L3MBTL3: variants seen among roughly 807,000 people sequenced by gnomAD.
L3MBTL3 encodes L3MBTL histone methyl-lysine binding protein 3, also known as lethal(3)malignant brain tumor-like protein 3.
In L3MBTL3, 27 loss-of-function variants were observed where a neutral mutation model predicts 102.3. The ratio of observed to expected loss-of-function variants is 0.26; its 90% CI spans 0.19 to 0.36. L3MBTL3 has a LOEUF of 0.36. Among genes scored for constraint, L3MBTL3 ranks in the 10% least tolerant of loss-of-function variants. The probability of loss-of-function intolerance (pLI) is 1.00; values close to 1 mark genes in which losing one functional copy is unlikely to be tolerated. For synonymous variants in L3MBTL3, 340 were observed against 320.9 expected (o/e 1.06, Z -0.64); for missense variants, 798 against 955.3 (o/e 0.84, Z 2.17).
At chr6:130,069,208 C>T (rs556092650) in intron 12 of L3MBTL3, among the ~76,000 whole-genome samples, 1 of 152,330 alleles carries the variant, frequency 6.6e-6, no homozygotes, top group Non-Finnish European at 1.5e-5. Context: ...GCCCAGCTTT[C>T]TCTCTAGTAT....
In L3MBTL3 at chr6:130,126,840, A is replaced by C. The variant is rs575555489; in HGVS notation, c.1966+5882A>C. Among the ~76,000 whole-genome samples the C allele has an allele frequency of 8.5e-5, 13 of 152,316 alleles. No homozygotes were observed. In the East Asian group the frequency reaches 2.1e-3, roughly 25 times the overall value. Reference sequence around the variant, plus strand: ...TAGGAGAAAGAGGCATACAGAATGTATTAATGTGCATAAACGTGGGAGTCC... The same window carrying C: ...TAGGAGAAAGAGGCATACAGAATGTCTTAATGTGCATAAACGTGGGAGTCC... On this transcript the variant is annotated intron_variant, in intron 20 of 22. Coordinates refer to ENST00000361794, the MANE Select transcript of L3MBTL3 (RefSeq NM_032438.4).
chr6:130,037,821 A>G (rs1424198715), intron 2 of L3MBTL3, among the ~76,000 whole-genome samples: 1 of 152,130 alleles, frequency 6.6e-6, no homozygotes, highest in Non-Finnish European at 1.5e-5. Flanking sequence ...TGAAATATAC[A>G]GTAAATTATT....
intron 16 of L3MBTL3, among the ~76,000 whole-genome samples, chr6:130,091,245 G>A (rs1405302529): frequency 6.6e-6 from 1 of 152,022 alleles, no homozygotes; most frequent in East Asian, 1.9e-4. Context: ...AATGTTTATT[G>A]TTCAATTTTT....
intron 18 of L3MBTL3, among the ~76,000 whole-genome samples, chr6:130,098,821 G>A (rs966026195): frequency 3.3e-5 from 5 of 150,472 alleles, no homozygotes; most frequent in African/African-American, 1.2e-4. Flanking sequence ...GGGCATTCAT[G>A]CAATGCACAG....
chr6:130,073,660 AAG>A (rs369803937), intron 13 of L3MBTL3, among the ~76,000 whole-genome samples: 2 of 152,130 alleles, frequency 1.3e-5, no homozygotes, highest in African/African-American at 4.8e-5. Flanking sequence ...GAAAAAAAGT[AAG>A]GGGAGAGTCT....
rs541106628 is a variant in L3MBTL3, at chr6:130,121,807, A to T, written c.1966+849A>T. On this transcript the variant is annotated intron_variant, in intron 20 of 22. Transcript: ENST00000361794. ...TTTGTTAAAAATATATTGCTTTGGG[A>T]GGCCAAGGCAGGCAGATCACCTGAG... is the stretch of plus-strand genomic sequence containing the variant. 6.8e-4 allele frequency among the ~76,000 whole-genome samples: 104 copies of T among 152,312 alleles called. No individual in the cohort carries two copies. In the Middle Eastern group the frequency reaches 0.034, roughly 50 times the overall value.
chr6:130,032,582 T>TA (rs1373663948), intron 2 of L3MBTL3, among the ~76,000 whole-genome samples: 11 of 152,246 alleles, frequency 7.2e-5, no homozygotes, highest in Admixed American at 7.2e-4. Flanking sequence ...TACTATCTGG[T>TA]AAGTACTATG....
intron 12 of L3MBTL3, among the ~76,000 whole-genome samples, chr6:130,070,406 T>C (rs1458534162): frequency 6.6e-6 from 1 of 152,224 alleles, no homozygotes; most frequent in Non-Finnish European, 1.5e-5. Flanking sequence ...CTTTTGCTGC[T>C]ATTAGGAATA....
At chr6:130,086,112 C>T (rs1783668154) in intron 15 of L3MBTL3, 28 bp from the exon 16 acceptor site, 2 of 1,419,374 alleles carry the variant, frequency 1.4e-6, no homozygotes, top group South Asian at 1.2e-5. Flanking sequence ...CTCTTTATCT[C>T]ACTCTGTAAA....
At chr6:130,045,426 T>TAC (rs1780669563) in intron 3 of L3MBTL3, among the ~76,000 whole-genome samples, 1 of 152,194 alleles carries the variant, frequency 6.6e-6, no homozygotes, top group Non-Finnish European at 1.5e-5. Flanking sequence ...GAACGTACTC[T>TAC]CTGCTGAACA....
chr6:130,078,681 G>C (rs1262094170), intron 14 of L3MBTL3, 47 bp downstream of exon 14: 1 of 1,293,442 alleles, frequency 7.7e-7, no homozygotes, highest in Non-Finnish European at 1.1e-6. Context: ...GACTTCAAGA[G>C]TAGGCAGACT....
At position 130,066,508 on chromosome 6, in the gene L3MBTL3, GAT is replaced by G; in HGVS notation, c.1000+23_1000+24del. 1 of 1,597,686 alleles carries G rather than the reference GAT, an allele frequency of 6.3e-7. No homozygotes were observed. The highest frequency in any genetic ancestry group is 8.5e-7 in the Non-Finnish European group (1 of 1,172,636). ...CAAAAGGTTTTGTCACTTTTTGTTT[GAT>G]ATTTTAAATTCAGTAAAAACTCATT... is the stretch of plus-strand genomic sequence containing the variant. On this transcript the variant is annotated intron_variant, in intron 11 of 22. Transcript: ENST00000361794.
At chr6:130,022,726 A>G (rs1181234693) in intron 2 of L3MBTL3, among the ~76,000 whole-genome samples, 1 of 152,130 alleles carries the variant, frequency 6.6e-6, no homozygotes, top group Admixed American at 6.5e-5. Context: ...TGTGAATGAA[A>G]TTTACATTGG....
At chr6:130,058,783 A>G (rs942152070) in intron 9 of L3MBTL3, among the ~76,000 whole-genome samples, 2 of 152,240 alleles carry the variant, frequency 1.3e-5, no homozygotes, top group Non-Finnish European at 2.9e-5. Context: ...TGTTTACAAA[A>G]ACTCATGGTG....
At chr6:130,090,696 G>C (rs1276132111) in intron 16 of L3MBTL3, among the ~76,000 whole-genome samples, 2 of 151,968 alleles carry the variant, frequency 1.3e-5, no homozygotes, top group Non-Finnish European at 2.9e-5. Flanking sequence ...CCCAGGCTCA[G>C]GTGATCCTCC....
chr6:130,104,679 T>G (rs544525460), intron 19 of L3MBTL3, 104 bp downstream of exon 19: 1 of 810,862 alleles, frequency 1.2e-6, no homozygotes, highest in South Asian at 3.8e-5. Context: ...TTCTTGGAGA[T>G]TGTTGAAAAT....
intron 9 of L3MBTL3, among the ~76,000 whole-genome samples, chr6:130,058,141 C>A (rs1781640210): frequency 1.2e-5 from 1 of 84,892 alleles, no homozygotes. Context: ...CAGAGCAAGA[C>A]TCCGTCTCAA....
intron 17 of L3MBTL3, among the ~76,000 whole-genome samples, chr6:130,093,321 A>G (rs902894767): frequency 2.0e-5 from 3 of 152,170 alleles, no homozygotes; most frequent in African/African-American, 7.2e-5. Flanking sequence ...GTTAAATTCA[A>G]ATTTTAGAAA....
chr6:130,085,664 T>C lies in L3MBTL3; in HGVS notation c.1408-476T>C, dbSNP rs559450819. ...GAAAGCCTGGTTCTCTTATTTTCTT[T>C]CTTTATTTAAAAAATGACAGCAAGT... On this transcript the variant is annotated intron_variant, in intron 15 of 22. Transcript: ENST00000361794. Among the ~76,000 whole-genome samples, 138 of 152,348 alleles carry C rather than the reference T, an allele frequency of 9.1e-4. 1 individual carries two copies. The highest frequency in any genetic ancestry group is 3.3e-3 in the African/African-American group (136 of 41,588).
Sources: gnomAD v4.1 joint callset for allele counts (sites outside exome capture counted in the v4.1 genomes callset) on GRCh38, gnomAD v4.1.1 for gene constraint, MANE v1.5 for transcripts, NCBI Gene and HGNC (gene_info 2026-07-23, HGNC 2026-07-21) for gene names.